Variants in BMP6 observed in about 807,000 individuals in gnomAD.
BMP6 encodes the protein VG-1-R.
BMP6 carries 17 observed loss-of-function variants against 54.1 expected under a neutral mutation model. The ratio of observed to expected loss-of-function variants is 0.31; its 90% CI spans 0.22 to 0.47. The LOEUF (loss-of-function observed/expected upper bound fraction) is 0.47. Among genes scored for constraint, BMP6 ranks in the 20% least tolerant of loss-of-function variants. The probability of loss-of-function intolerance (pLI) is 1.00; values close to 1 mark genes in which losing one functional copy is unlikely to be tolerated. For missense variants in BMP6, 720 were observed against 690.4 expected (o/e 1.04, Z -0.48); for synonymous variants, 328 against 291.2 (o/e 1.13, Z -1.28).
At chr6:7,865,736 T>A (rs1261105338) in intron 4 of BMP6, among the ~76,000 whole-genome samples, 1 of 152,134 alleles carries the variant, frequency 6.6e-6, no homozygotes, top group Non-Finnish European at 1.5e-5. Flanking sequence ...TTTCTGCTTG[T>A]AAATCTTTTG....
chr6:7,791,647 A>G (rs1758109491), intron 1 of BMP6, among the ~76,000 whole-genome samples: 1 of 152,122 alleles, frequency 6.6e-6, no homozygotes, highest in Admixed American at 6.5e-5. Flanking sequence ...GAAGTCCCAG[A>G]AGCCCCTCAA....
intron 1 of BMP6, among the ~76,000 whole-genome samples, chr6:7,837,513 G>A (rs1331736947): frequency 1.3e-5 from 2 of 152,164 alleles, no homozygotes; most frequent in African/African-American, 4.8e-5. Flanking sequence ...TGGGGTTGGA[G>A]ACCATTATTC....
chr6:7,734,671 A>C (rs1381358100), intron 1 of BMP6, among the ~76,000 whole-genome samples: 1 of 152,200 alleles, frequency 6.6e-6, no homozygotes, highest in Non-Finnish European at 1.5e-5. Context: ...ATTGAGTTGA[A>C]AACCACGTTG....
chr6:7,835,242 C>T (rs1416603282), intron 1 of BMP6, among the ~76,000 whole-genome samples: 1 of 152,202 alleles, frequency 6.6e-6, no homozygotes, highest in Non-Finnish European at 1.5e-5. Context: ...CCTGCCTCAG[C>T]CTCCCGAGTA....
At chr6:7,727,875 G>C (rs1761773480) in intron 1 of BMP6, among the ~76,000 whole-genome samples, 1 of 151,388 alleles carries the variant, frequency 6.6e-6, no homozygotes, top group Non-Finnish European at 1.5e-5. Flanking sequence ...CGGGGCTCCG[G>C]GAGCGCTGTC....
intron 1 of BMP6, among the ~76,000 whole-genome samples, chr6:7,755,604 C>T (rs1757502601): frequency 6.6e-6 from 1 of 152,070 alleles, no homozygotes; most frequent in Non-Finnish European, 1.5e-5. Context: ...AAGTCTCTTA[C>T]GTATACCCAC....
intron 1 of BMP6, among the ~76,000 whole-genome samples, chr6:7,828,960 A>G (rs1378138515): frequency 3.3e-5 from 5 of 152,212 alleles, no homozygotes; most frequent in Non-Finnish European, 7.3e-5. Flanking sequence ...AGGGCTTGGC[A>G]CAGTGGTGCT....
chr6:7,764,135 C>T (rs550726450), intron 1 of BMP6, among the ~76,000 whole-genome samples: 49 of 152,232 alleles, frequency 3.2e-4, no homozygotes, highest in Admixed American at 4.6e-4. Flanking sequence ...GTGTCTCCTC[C>T]GTATTCCAGG....
At chr6:7,733,763 TCCAGCTTTTAC>T (rs1330397495) in intron 1 of BMP6, among the ~76,000 whole-genome samples, 1 of 152,204 alleles carries the variant, frequency 6.6e-6, no homozygotes, top group Non-Finnish European at 1.5e-5. Flanking sequence ...CCATCTCTGA[TCCAGCTTTTAC>T]CCACTGGAAA....
At chr6:7,748,903 G>A (rs1386941826) in intron 1 of BMP6, among the ~76,000 whole-genome samples, 1 of 152,082 alleles carries the variant, frequency 6.6e-6, no homozygotes, top group Non-Finnish European at 1.5e-5. Flanking sequence ...TCCTAATCCT[G>A]GAATCAGTAG....
At chr6:7,847,112 AGGAT>A (rs1408730392) in intron 2 of BMP6, among the ~76,000 whole-genome samples, 1 of 152,228 alleles carries the variant, frequency 6.6e-6, no homozygotes, top group African/African-American at 2.4e-5. Flanking sequence ...CCCTGTGCTT[AGGAT>A]GGTGGTGTCA....
chr6:7,867,894 C>T (rs1166710638), intron 4 of BMP6, among the ~76,000 whole-genome samples: 5 of 152,214 alleles, frequency 3.3e-5, no homozygotes, highest in African/African-American at 1.2e-4. Flanking sequence ...TCTACCTCCT[C>T]CCAAGGTTCA....
At chr6:7,731,850 TAATTA>T (rs1405376079) in intron 1 of BMP6, among the ~76,000 whole-genome samples, 1 of 152,110 alleles carries the variant, frequency 6.6e-6, no homozygotes, top group East Asian at 1.9e-4. Context: ...TAAAAACATT[TAATTA>T]AATATCTGCA....
chr6:7,739,570 T>A (rs1415210076), intron 1 of BMP6, among the ~76,000 whole-genome samples: 1 of 152,208 alleles, frequency 6.6e-6, no homozygotes, highest in Non-Finnish European at 1.5e-5. Flanking sequence ...GATAGTAAGA[T>A]AGGGGAGAAT....
intron 2 of BMP6, among the ~76,000 whole-genome samples, chr6:7,850,035 GTT>G (rs1406856183): frequency 1.3e-5 from 2 of 152,188 alleles, no homozygotes; most frequent in Non-Finnish European, 2.9e-5. Context: ...TTAGAGTTTG[GTT>G]TATATATTCA....
chr6:7,842,918 C>T (rs142130754), intron 1 of BMP6, among the ~76,000 whole-genome samples: 8 of 152,186 alleles, frequency 5.3e-5, no homozygotes, highest in African/African-American at 1.9e-4. Context: ...ATATTATTTT[C>T]ATTTAGTAAT....
At chr6:7,785,619 C>G (rs541705096) in intron 1 of BMP6, among the ~76,000 whole-genome samples, 5 of 152,176 alleles carry the variant, frequency 3.3e-5, no homozygotes, top group African/African-American at 4.8e-5. Flanking sequence ...ATTTTAGACT[C>G]TTCCCATGTC....
chr6:7,874,288 A>G (rs1034588573), intron 4 of BMP6, among the ~76,000 whole-genome samples: 10 of 152,200 alleles, frequency 6.6e-5, no homozygotes, highest in Non-Finnish European at 1.5e-4. Flanking sequence ...TTGATAGAGG[A>G]TGTGGGTTGC....
Position 7,809,055 on chromosome 6 carries a change from CAT to C in BMP6, c.665-36083_665-36082del, listed in dbSNP as rs147191002. 4.9e-3 allele frequency among the ~76,000 whole-genome samples: 744 copies of C among 150,652 alleles called. 7 individuals carry two copies. Among genetic ancestry groups the C allele is most frequent in the African/African-American group, 0.017 (715 of 40,952 alleles). On this transcript the variant is annotated intron_variant, in intron 1 of 6. Coordinates refer to ENST00000283147, the MANE Select transcript of BMP6 (RefSeq NM_001718.6). ...AAAATTTAGGGCTAATTTTTAAAAACATAGGGGTTTGGTGAGGGCTCCATTTC... is the reference window on the plus strand; with the variant it reads ...AAAATTTAGGGCTAATTTTTAAAAACAGGGGTTTGGTGAGGGCTCCATTTC...
Sources: allele counts gnomAD v4.1 joint callset (sites outside exome capture counted in the v4.1 genomes callset), GRCh38; gene constraint gnomAD v4.1.1; transcripts MANE v1.5; gene names NCBI Gene and HGNC (gene_info 2026-07-23, HGNC 2026-07-21).